BTNL8: variants seen among roughly 807,000 people sequenced by gnomAD.
BTNL8 encodes butyrophilin like 8.
In BTNL8, 22 loss-of-function variants were observed where a neutral mutation model predicts 36.1. The ratio of observed to expected loss-of-function variants is 0.61; its 90% confidence interval spans 0.44 to 0.87. BTNL8 has a LOEUF of 0.87. Among genes scored for constraint, BTNL8 ranks in the 40% least tolerant of loss-of-function variants. BTNL8 has a pLI of 0.00. For synonymous variants in BTNL8, 203 were observed against 235.6 expected (o/e 0.86, Z 1.27); for missense variants, 526 against 616.9 (o/e 0.85, Z 1.56).
At chr5:180,920,311 C>A (rs1757805290) in intron 3 of BTNL8, among the ~76,000 whole-genome samples, 1 of 152,084 alleles carries the variant, frequency 6.6e-6, no homozygotes, top group African/African-American at 2.4e-5. Context: ...GTCAACTAAT[C>A]TTCAGTAAGA....
intron 3 of BTNL8, among the ~76,000 whole-genome samples, chr5:180,922,498 T>C (rs1677289708): frequency 1.3e-5 from 2 of 150,850 alleles, no homozygotes. Flanking sequence ...GTAATTGTAT[T>C]GTTTTGAGTG....
rs771303790 is a variant in BTNL8 at position 180,947,598 on chromosome 5, C to G, written c.760C>G (p.Leu254Val). The G allele has an allele frequency of 1.2e-6, 2 of 1,614,208 alleles. No homozygotes were observed. The highest frequency in any genetic ancestry group is 2.2e-5 in the South Asian group (2 of 91,088). Residue 254 changes from leucine (L) to valine (V), a missense_variant, in exon 4 of 8, where the codon CTG (leucine) becomes GTG (valine). By Grantham distance (32) the Leu-to-Val change is conservative. Coordinates refer to ENST00000340184, the MANE Select transcript of BTNL8 (RefSeq NM_001040462.3). ...TGGCCTATTTTTTGGCATTGTTGGA[C>G]TGAAGATTTTCTTCTCCAAATTCCA... The part of the protein sequence containing the change: ...CCGLFFGIVG[L>V]KIFFSKFQWK...
rs893058274 is a variant in BTNL8, at chr5:180,925,113, G to C, written c.673+13499G>C. Reference sequence around the variant, plus strand: ...AATTATCCAGTCAGAGAATAAAAAAGAAAAAAGAATAAAAAATGAAAAAGA... The same window carrying C: ...AATTATCCAGTCAGAGAATAAAAAACAAAAAAGAATAAAAAATGAAAAAGA... On this transcript the variant is annotated intron_variant, in intron 3 of 7. Transcript: ENST00000340184. Among the ~76,000 whole-genome samples, 15 of 151,868 alleles carry C rather than the reference G, an allele frequency of 9.9e-5. No homozygotes were observed. The East Asian group carries it at 1.5e-3, about 16-fold the overall frequency.
intron 3 of BTNL8, among the ~76,000 whole-genome samples, chr5:180,927,098 C>T (rs1018466386): frequency 2.0e-5 from 3 of 152,134 alleles, no homozygotes; most frequent in African/African-American, 7.2e-5. Flanking sequence ...GGTGGATGCC[C>T]CCCTGGGACG....
chr5:180,947,880 G>C, intron 4 of BTNL8: 1 of 1,336,156 alleles, frequency 7.5e-7, no homozygotes, highest in African/African-American at 1.5e-5. Context: ...CCTATAGAGA[G>C]AGCTTGGATA....
chr5:180,925,908 G>C (rs1758073150), intron 3 of BTNL8, among the ~76,000 whole-genome samples: 1 of 152,152 alleles, frequency 6.6e-6, no homozygotes, highest in Non-Finnish European at 1.5e-5. Context: ...AAGTGGAAAG[G>C]AGTGAAAGTG....
At chr5:180,932,190 C>T (rs1258331767) in intron 3 of BTNL8, among the ~76,000 whole-genome samples, 3 of 152,088 alleles carry the variant, frequency 2.0e-5, no homozygotes, top group African/African-American at 7.2e-5. Context: ...GGGAATATTA[C>T]ACACTGGGTC....
At chr5:180,923,089 GAGATT>G (rs1757945198) in intron 3 of BTNL8, among the ~76,000 whole-genome samples, 1 of 152,290 alleles carries the variant, frequency 6.6e-6, no homozygotes, top group Non-Finnish European at 1.5e-5. Context: ...TGTTGCGTGT[GAGATT>G]AGTCTCTTGA....
chr5:180,940,410 G>C, intron 3 of BTNL8, among the ~76,000 whole-genome samples: 1 of 150,990 alleles, frequency 6.6e-6, no homozygotes, highest in Non-Finnish European at 1.5e-5. Context: ...GTACTAGGAG[G>C]TAAGTTTATA....
chr5:180,907,787 G>A (rs369226272), intron 1 of BTNL8, among the ~76,000 whole-genome samples: 44,707 of 150,474 alleles, frequency 0.3, 6,785 homozygotes, highest in Admixed American at 0.33. Context: ...CGTGTGAGGT[G>A]TCAGTGTGCC....
At chr5:180,902,517 GTT>G (rs111618652) in intron 1 of BTNL8, 152 of 806,262 alleles carry the variant, frequency 1.9e-4, no homozygotes, top group South Asian at 6.4e-4. Context: ...ACTATAAAGG[GTT>G]TTTTTTTTTG....
intron 3 of BTNL8, among the ~76,000 whole-genome samples, chr5:180,927,299 T>C (rs964337309): frequency 9.2e-5 from 14 of 151,952 alleles, no homozygotes; most frequent in African/African-American, 3.4e-4. Context: ...ACAAAAAGGA[T>C]GTCCACACAG....
intron 3 of BTNL8, among the ~76,000 whole-genome samples, chr5:180,923,122 G>A (rs554399644): frequency 6.6e-6 from 1 of 152,070 alleles, no homozygotes; most frequent in Non-Finnish European, 1.5e-5. Context: ...ATACCATTTG[G>A]TCTTGTTTCT....
At chr5:180,941,917 T>TTTTTTTTTGAGACGGAGTCTCGCTGTCA (rs1430901477) in intron 3 of BTNL8, among the ~76,000 whole-genome samples, 2 of 151,254 alleles carry the variant, frequency 1.3e-5, no homozygotes, top group African/African-American at 4.9e-5. Context: ...CTACTCTTAT[T>TTTTTTTTTGAGACGGAGTCTCGCTGTCA]CAACAAAGTA....
intron 3 of BTNL8, among the ~76,000 whole-genome samples, chr5:180,917,609 T>A (rs79868354): frequency 0.45 from 67,868 of 151,474 alleles, 16,270 homozygotes; most frequent in African/African-American, 0.63. Flanking sequence ...CAGAATAATT[T>A]AAAAAAAATA....
chr5:180,947,882 G>A (rs1759353128), intron 4 of BTNL8: 25 of 1,332,258 alleles, frequency 1.9e-5, no homozygotes, highest in South Asian at 1.7e-4. Flanking sequence ...TATAGAGAGA[G>A]CTTGGATAAT....
intron 3 of BTNL8, among the ~76,000 whole-genome samples, chr5:180,912,233 C>T (rs1417678478): frequency 2.0e-5 from 3 of 152,126 alleles, no homozygotes; most frequent in Non-Finnish European, 2.9e-5. Context: ...TTCTGGTTCT[C>T]AGGTCTTCTG....
intron 3 of BTNL8, 31 bp downstream of exon 3, chr5:180,911,645 G>C (rs749267396): frequency 1.3e-6 from 2 of 1,574,760 alleles, no homozygotes; most frequent in South Asian, 2.3e-5. Context: ...AAGAGAAGGA[G>C]GGGTGGATGC....
intron 3 of BTNL8, among the ~76,000 whole-genome samples, chr5:180,933,002 A>G (rs1448521279): frequency 2.5e-4 from 25 of 100,940 alleles, no homozygotes; most frequent in African/African-American, 1.4e-3. Context: ...TGCAAATAAA[A>G]ACCAAAAAAA....
Sources: allele counts gnomAD v4.1 joint callset (sites outside exome capture counted in the v4.1 genomes callset), GRCh38; gene constraint gnomAD v4.1.1; transcripts MANE v1.5; gene names NCBI Gene and HGNC (gene_info 2026-07-23, HGNC 2026-07-21).